Variants in LRRK1 observed in about 807,000 individuals in gnomAD.
The protein encoded by LRRK1 is leucine rich repeat kinase 1, also known as leucine-rich repeat serine/threonine-protein kinase 1.
Under a neutral mutation model 209.1 loss-of-function variants are expected in LRRK1, and 113 were observed. The ratio of observed to expected loss-of-function variants is 0.54; its 90% CI spans 0.46 to 0.63. The LOEUF is 0.63. Ranked by LOEUF, LRRK1 falls within the 30% of genes least tolerant of loss-of-function variation. LRRK1 has a pLI of 0.00. For missense variants in LRRK1, 2,284 were observed against 2,632.2 expected, an observed-to-expected ratio of 0.87 and a Z score of 2.89; for synonymous variants, 1,144 against 1,099.7, an observed-to-expected ratio of 1.04 and a Z score of -0.80.
chr15:101,021,775 C>CGTGTGT lies in LRRK1; in HGVS notation c.1740-37_1740-32dup, dbSNP rs3031683. On this transcript the variant is annotated intron_variant, in intron 13 of 33. Coordinates refer to ENST00000388948, the MANE Select transcript of LRRK1 (RefSeq NM_024652.6). The stretch of plus-strand genomic sequence containing the variant: ...GAGGCTGACAGGAGCCACGTGTGTG[C>CGTGTGT]GTGTGTGTGTGTGTGTGTGTGTGTG... 3.2e-5 allele frequency: 27 copies of CGTGTGT among 857,058 alleles called. No individual in the cohort carries two copies. The African/African-American group carries it at 4.7e-4, about 15-fold the overall frequency. The allele number at this position is 857,058 out of a possible 1,614,324, so 53.1% of individuals were successfully genotyped here. A position where few individuals can be genotyped will look rare whatever the true frequency, so the allele number is the denominator to read the frequency against.
Position 101,062,623 on chromosome 15 carries a change from C to G in LRRK1, c.4847C>G (p.Thr1616Arg). The G allele has an allele frequency of 6.2e-7, 1 of 1,614,242 alleles. No individual in the cohort carries two copies. The highest frequency in any genetic ancestry group is 1.1e-5 in the South Asian group (1 of 91,086). ...CTCAAGGGCATGTGCCCCTTAAACA[C>G]ACCCCAACAGGCCTTGGATACTCCA... ...YTLKGMCPLNTPQQALDTPAV... is the reference protein window; with the variant it reads ...YTLKGMCPLNRPQQALDTPAV... Residue 1616 changes from threonine (T) to arginine (R), a missense_variant, in exon 31 of 34, where the codon ACA (threonine) becomes AGA (arginine). Physicochemically the swap from Thr to Arg is moderately conservative, Grantham distance 71 (BLOSUM62 -1). Coordinates refer to ENST00000388948, the MANE Select transcript of LRRK1 (RefSeq NM_024652.6).
intron 2 of LRRK1, among the ~76,000 whole-genome samples, chr15:100,971,282 C>T (rs12592886): frequency 1.5e-4 from 23 of 148,840 alleles, no homozygotes; most frequent in African/African-American, 5.5e-4. Flanking sequence ...TGCAGTGAGC[C>T]GAGATCGCGC....
At chr15:100,977,220 C>G (rs1013648540) in intron 3 of LRRK1, among the ~76,000 whole-genome samples, 2 of 151,702 alleles carry the variant, frequency 1.3e-5, no homozygotes, top group African/African-American at 4.8e-5. Context: ...AAAGCCTGCT[C>G]TCTCCAACCA....
chr15:100,973,513 C>T (rs1167320645), intron 2 of LRRK1, among the ~76,000 whole-genome samples: 1 of 152,128 alleles, frequency 6.6e-6, no homozygotes. Context: ...GGCCCGGCCG[C>T]TCCCCCGCGG....
In LRRK1 at chr15:100,989,390, G is replaced by T; in HGVS notation, c.754G>T (p.Gly252Ter). The T allele has an allele frequency of 6.2e-7, 1 of 1,614,112 alleles. No homozygotes were observed. Among genetic ancestry groups the T allele is most frequent in the Non-Finnish European group, 8.5e-7 (1 of 1,180,046 alleles). Reference sequence around the variant, plus strand: ...CAGTCCCTTGCCCAGCAGTTATCCGGGAAAAACAGTGAGTAGTCACTGCCT... The same window carrying T: ...CAGTCCCTTGCCCAGCAGTTATCCGTGAAAAACAGTGAGTAGTCACTGCCT... ...EASPLPSSYP[G>*]KTALRVKWSH... The change falls in exon 6 of 34, where the codon GGA becomes TGA. Residue 252 changes from glycine to a stop codon, truncating the protein, a stop_gained. Coordinates refer to ENST00000388948, the MANE Select transcript of LRRK1 (RefSeq NM_024652.6). LOFTEE classifies it high-confidence loss of function.
intron 2 of LRRK1, among the ~76,000 whole-genome samples, chr15:100,933,365 C>T (rs1236223571): frequency 6.6e-6 from 1 of 152,142 alleles, no homozygotes; most frequent in Non-Finnish European, 1.5e-5. Context: ...AGCATGTATC[C>T]CTTTCATGCA....
chr15:101,050,020 G>A (rs1248171334), intron 23 of LRRK1, among the ~76,000 whole-genome samples: 10 of 152,174 alleles, frequency 6.6e-5, no homozygotes, highest in East Asian at 1.9e-4. Context: ...GCAGGGAAGC[G>A]GCCTGCCAGC....
chr15:101,058,617 C>CGGA lies in LRRK1; in HGVS notation c.4679+478_4679+479insAGG, dbSNP rs1555479974. 6.6e-5 allele frequency among the ~76,000 whole-genome samples: 5 copies of CGGA among 75,366 alleles called. 2 individuals are homozygous for CGGA. The highest frequency in any genetic ancestry group is 3.9e-4 in the African/African-American group (5 of 12,742). 49.4% of individuals were successfully genotyped at this position (75,366 alleles called of 152,430 possible). ...CTGCCCCAGATTGCAGAAGGGGCAACGGGGGGGGGCGTCTAAACAGAGTTG... is the reference window on the plus strand; with the variant it reads ...CTGCCCCAGATTGCAGAAGGGGCAACGGAGGGGGGGGGCGTCTAAACAGAGTTG... On this transcript the variant is annotated intron_variant, in intron 29 of 33. Transcript: ENST00000388948.
At chr15:100,992,205 CTTA>C (rs1362305243) in intron 6 of LRRK1, among the ~76,000 whole-genome samples, 3 of 152,130 alleles carry the variant, frequency 2.0e-5, no homozygotes, top group African/African-American at 7.2e-5. Flanking sequence ...AACTTTCCAT[CTTA>C]TTATTATCTG....
In LRRK1 at chr15:101,021,445, C is replaced by T. The variant is rs553557668; in HGVS notation, c.1739+263C>T. 5.3e-5 allele frequency among the ~76,000 whole-genome samples: 8 copies of T among 152,322 alleles called. No individual in the cohort carries two copies. The South Asian group carries it at 1.7e-3, about 32-fold the overall frequency. On this transcript the variant is annotated intron_variant, in intron 13 of 33. Coordinates refer to ENST00000388948, the MANE Select transcript of LRRK1 (RefSeq NM_024652.6). ...CACTCAATCATTCATCCTTTCATTA[C>T]TGAGCTCCCATTGCATGCCAGCTAC...
At chr15:101,052,216 C>T (rs917983138) in intron 24 of LRRK1, among the ~76,000 whole-genome samples, 2 of 152,214 alleles carry the variant, frequency 1.3e-5, no homozygotes, top group Admixed American at 6.5e-5. Flanking sequence ...CATCCTGCCT[C>T]CCCATACGGC....
chr15:100,922,374 A>G (rs2042035529), intron 1 of LRRK1, among the ~76,000 whole-genome samples: 2 of 152,252 alleles, frequency 1.3e-5, no homozygotes, highest in African/African-American at 4.8e-5. Context: ...GATTTTCAAA[A>G]GGAAACTGAA....
chr15:100,973,808 C>T lies in LRRK1; in HGVS notation c.102C>T (p.Ala34=). 4 of 1,290,760 alleles carry T rather than the reference C, an allele frequency of 3.1e-6. No homozygotes were observed. The highest frequency in any genetic ancestry group is 4.7e-5 in the South Asian group (2 of 42,466). The allele number at this position is 1,290,760 out of a possible 1,614,324, so 80.0% of individuals were successfully genotyped here. A position where few individuals can be genotyped will look rare whatever the true frequency, so the allele number is the denominator to read the frequency against. Residue 34 remains alanine (A), a synonymous_variant, in exon 3 of 34, where the codon GCC becomes GCT. Coordinates refer to ENST00000388948, the MANE Select transcript of LRRK1 (RefSeq NM_024652.6). ...TGTGTGCTTCCTCCCGCGCAGGTGC[C>T]GGGGACACGGGCGGCAAGCCGTCCA... ...PERAMETLNG[A]GDTGGKPSTR... is the part of the protein sequence containing the mutation.
At chr15:100,962,018 T>G (rs941375373) in intron 2 of LRRK1, among the ~76,000 whole-genome samples, 1 of 152,220 alleles carries the variant, frequency 6.6e-6, no homozygotes, top group Non-Finnish European at 1.5e-5. Context: ...TCTCCATCCT[T>G]TTTTCTAGAG....
intron 6 of LRRK1, among the ~76,000 whole-genome samples, chr15:100,996,796 G>A (rs145855108): frequency 1.7e-4 from 26 of 152,342 alleles, no homozygotes; most frequent in Admixed American, 3.9e-4. Context: ...CAGTGAGCAT[G>A]TCAGTCACTT....
intron 31 of LRRK1, among the ~76,000 whole-genome samples, chr15:101,063,992 A>G (rs2036365710): frequency 6.6e-6 from 1 of 152,204 alleles, no homozygotes; most frequent in Non-Finnish European, 1.5e-5. Context: ...GCACGACCAG[A>G]GGGAATAAAG....
Position 101,024,812 on chromosome 15 carries a change from G to A in LRRK1, c.2077G>A (p.Val693Met), listed in dbSNP as rs201243082. ...PAGSRAKVES[V>M]EFNVWDIGGP... ...CTTGTTGCTCAAGTAGGTTGAGTCCGTGGAGTTCAACGTCTGGGACATCGG... is the reference window on the plus strand; with the variant it reads ...CTTGTTGCTCAAGTAGGTTGAGTCCATGGAGTTCAACGTCTGGGACATCGG... The change falls in exon 16 of 34, where the codon GTG (valine) becomes ATG (methionine). Residue 693 changes from valine to methionine, a missense_variant. Physicochemically the swap from Val to Met is conservative, Grantham distance 21 (BLOSUM62 1). Transcript: ENST00000388948. The surrounding 1 kb of genome is among the most constrained non-coding windows in gnomAD (Gnocchi z 4.6). 61 of 1,613,392 alleles carry A rather than the reference G, an allele frequency of 3.8e-5. No homozygotes were observed. The highest frequency in any genetic ancestry group is 8.9e-5 in the East Asian group (4 of 44,888).
chr15:101,066,831 C>A, intron 33 of LRRK1, 90 bp downstream of exon 33: 2 of 1,103,746 alleles, frequency 1.8e-6, no homozygotes, highest in African/African-American at 1.5e-5. Flanking sequence ...GGCTTTGCTG[C>A]CCTTCCATTC....
chr15:100,962,855 C>T, intron 2 of LRRK1, among the ~76,000 whole-genome samples: 1 of 34,488 alleles, frequency 2.9e-5, no homozygotes, highest in Non-Finnish European at 6.6e-5. Flanking sequence ...TGGAGTTTCA[C>T]TCTTATTGCC....
Sources: allele counts gnomAD v4.1 joint callset (sites outside exome capture counted in the v4.1 genomes callset), GRCh38; gene constraint gnomAD v4.1.1; non-coding constraint Gnocchi (gnomAD v3.1); transcripts MANE v1.5; gene names NCBI Gene and HGNC (gene_info 2026-07-23, HGNC 2026-07-21).